Variants in SPATA9 observed in about 807,000 individuals in gnomAD.
SPATA9 encodes spermatogenesis-associated protein 9.
Under a neutral mutation model 25.5 loss-of-function variants are expected in SPATA9, and 27 were observed. The ratio of observed to expected loss-of-function variants is 1.06; its 90% confidence interval spans 0.78 to 1.46. The LOEUF is 1.46. Ranked by LOEUF, SPATA9 falls within the 40% of genes most tolerant of loss-of-function variation. SPATA9 has a pLI of 0.00. For missense variants in SPATA9, 282 were observed against 297.5 expected (o/e 0.95, Z 0.38); for synonymous variants, 102 against 105.7 (o/e 0.97, Z 0.21).
At chr5:95,675,319 G>T in intron 3 of SPATA9, 93 bp downstream of exon 3, 1 of 1,009,696 alleles carries the variant, frequency 9.9e-7, no homozygotes, top group Non-Finnish European at 1.4e-6. Flanking sequence ...TTTTACACTG[G>T]ACAATCAAGT....
At chr5:95,670,987 C>A (rs1253724421) in intron 3 of SPATA9, 1 of 770,890 alleles carries the variant, frequency 1.3e-6, no homozygotes, top group African/African-American at 1.9e-5. Flanking sequence ...CGTAAAGCTT[C>A]TTCCTAACCC....
intron 3 of SPATA9, chr5:95,670,975 C>G (rs1752316149): frequency 1.2e-6 from 1 of 857,274 alleles, no homozygotes; most frequent in Non-Finnish European, 1.4e-6. Context: ...GTATACTCCC[C>G]ACGTAAAGCT....
intron 3 of SPATA9, chr5:95,670,806 A>G: frequency 1.0e-6 from 1 of 979,064 alleles, no homozygotes; most frequent in Non-Finnish European, 1.2e-6. Flanking sequence ...GACCTCTGCC[A>G]CATCTCATAC....
the SPATA9 span, among the ~76,000 whole-genome samples, chr5:95,721,341 T>C: frequency 3.3e-5 from 5 of 152,184 alleles, no homozygotes; most frequent in South Asian, 8.3e-4. Context: ...TTAATGTAGA[T>C]GGAGAGTGTC....
chr5:95,730,205 G>A, the SPATA9 span, among the ~76,000 whole-genome samples: 15 of 152,156 alleles, frequency 9.9e-5, no homozygotes, highest in African/African-American at 3.6e-4. Flanking sequence ...TGTTGCCCTA[G>A]TTTTTTTACT....
chr5:95,703,659 C>A (rs957143578), upstream of SPATA9, among the ~76,000 whole-genome samples: 1 of 151,478 alleles, frequency 6.6e-6, no homozygotes, highest in Non-Finnish European at 1.5e-5. Flanking sequence ...AAAAAAAATT[C>A]ATTTTTCAAA....
intron 3 of SPATA9, among the ~76,000 whole-genome samples, chr5:95,674,323 C>G (rs1023924744): frequency 1.3e-5 from 2 of 152,100 alleles, no homozygotes; most frequent in African/African-American, 4.8e-5. Flanking sequence ...TGAGGATTCC[C>G]TCATTCCACA....
the SPATA9 span, among the ~76,000 whole-genome samples, chr5:95,726,910 G>A: frequency 6.6e-6 from 1 of 151,888 alleles, no homozygotes; most frequent in African/African-American, 2.4e-5. Context: ...TCAACCTGGG[G>A]TACCAGCATC....
At chr5:95,707,532 G>T in the SPATA9 span, among the ~76,000 whole-genome samples, 3 of 152,088 alleles carry the variant, frequency 2.0e-5, no homozygotes, top group Non-Finnish European at 2.9e-5. Flanking sequence ...TAGTCAAAAA[G>T]TTAAAAGGAT....
chr5:95,708,278 C>T, the SPATA9 span, among the ~76,000 whole-genome samples: 3 of 152,074 alleles, frequency 2.0e-5, no homozygotes, highest in East Asian at 1.9e-4. Flanking sequence ...AGTCAAAGGC[C>T]GGATTGGCTT....
the SPATA9 span, among the ~76,000 whole-genome samples, chr5:95,714,708 TAGC>T: frequency 1.4e-5 from 2 of 146,370 alleles, no homozygotes; most frequent in Non-Finnish European, 3.0e-5. Context: ...TAATGGGACT[TAGC>T]AGAGTTATGA....
chr5:95,671,238 A>G (rs1373401170), intron 3 of SPATA9, among the ~76,000 whole-genome samples: 1 of 152,054 alleles, frequency 6.6e-6, no homozygotes, highest in East Asian at 1.9e-4. Flanking sequence ...TTGGAATGCT[A>G]TGTCTCTTCT....
the SPATA9 span, chr5:95,717,001 G>GCAGT: frequency 6.6e-6 from 1 of 152,188 alleles, no homozygotes; most frequent in Non-Finnish European, 1.5e-5. Flanking sequence ...TATAAATTAT[G>GCAGT]CAGTCTCAGG....
At chr5:95,693,486 C>T (rs1753938364) in intron 1 of SPATA9, among the ~76,000 whole-genome samples, 1 of 152,076 alleles carries the variant, frequency 6.6e-6, no homozygotes, top group African/African-American at 2.4e-5. Context: ...AAAAAAGGCA[C>T]AAGATTTTAT....
downstream of SPATA9, chr5:95,652,228 A>C (rs1055474381): frequency 2.6e-6 from 4 of 1,539,098 alleles, no homozygotes; most frequent in Non-Finnish European, 3.5e-6. Flanking sequence ...TGGACACTCT[A>C]CTGATCTTGC....
the SPATA9 span, chr5:95,731,397 G>T: frequency 8.5e-7 from 1 of 1,175,668 alleles, no homozygotes; most frequent in East Asian, 4.0e-5. Flanking sequence ...GGTCAGCTGC[G>T]TCCACTTGGG....
At chr5:95,713,602 A>C in the SPATA9 span, 3 of 152,080 alleles carry the variant, frequency 2.0e-5, no homozygotes, top group African/African-American at 7.3e-5. Context: ...TGAGCCATTA[A>C]ATCTCTTTTC....
chr5:95,682,621 G>T lies in SPATA9; in HGVS notation c.62-5C>A, dbSNP rs754480825. On this transcript the variant is annotated splice_region_variant and splice_polypyrimidine_tract_variant and intron_variant, in intron 1 of 4. Coordinates refer to ENST00000274432, the MANE Select transcript of SPATA9 (RefSeq NM_031952.4). The stretch of plus-strand genomic sequence containing the variant: ...TTGCTTTCTGGATCCCCTCGACTAA[G>T]ACAAAAAGAGGTTAGGAAAAAGAAA... The T allele has an allele frequency of 5.6e-6, 9 of 1,604,598 alleles. No homozygotes were observed.
the SPATA9 span, among the ~76,000 whole-genome samples, chr5:95,721,047 C>G: frequency 6.6e-6 from 1 of 152,102 alleles, no homozygotes. Flanking sequence ...TAATTTTACC[C>G]GGTGGTAATT....
Sources: gnomAD v4.1 joint callset for allele counts (sites outside exome capture counted in the v4.1 genomes callset) on GRCh38, gnomAD v4.1.1 for gene constraint, MANE v1.5 for transcripts, NCBI Gene and HGNC (gene_info 2026-07-23, HGNC 2026-07-21) for gene names.